HELB: variants seen among roughly 807,000 people sequenced by gnomAD.
The protein encoded by HELB is DNA helicase B, also known as DNA 5'-3' helicase B.
A neutral mutation model predicts 101.7 loss-of-function variants in HELB; 96 were observed. That is an observed-to-expected ratio of 0.94 (90% CI 0.80 to 1.12). The LOEUF (loss-of-function observed/expected upper bound fraction) is 1.12, where lower values mean the gene tolerates loss of function less well. Ranked by LOEUF, HELB falls within the 50% of genes most tolerant of loss-of-function variation. HELB has a pLI of 0.00. For synonymous variants in HELB, 437 were observed against 459.7 expected (o/e 0.95, Z 0.63); for missense variants, 1,210 against 1,291.9 (o/e 0.94, Z 0.97).
At position 66,309,964 on chromosome 12, in the gene HELB, T is replaced by C. The variant is rs148395216; in HGVS notation, c.1036T>C (p.Tyr346His). The C allele has an allele frequency of 1.1e-4, 171 of 1,614,230 alleles. No individual in the cohort carries two copies. The African/African-American group carries it at 2.1e-3, about 20-fold the overall frequency. Residue 346 changes from tyrosine to histidine, a missense_variant, in exon 4 of 13, where the codon TAT becomes CAT. Tyr to His is a moderately conservative substitution (Grantham distance 83). Transcript: ENST00000247815. Reference sequence around the variant, plus strand: ...TTTGAAGGATATTGGTGTGGTGACATATGAGAAGTCCTGTGTCTTCCCTTA... The same window carrying C: ...TTTGAAGGATATTGGTGTGGTGACACATGAGAAGTCCTGTGTCTTCCCTTA... ...KFLKDIGVVT[Y>H]EKSCVFPYDL...
chr12:66,321,994 A>T lies in HELB; in HGVS notation c.2202A>T (p.Gln734His). The T allele has an allele frequency of 8.5e-7, 1 of 1,181,770 alleles. No homozygotes were observed. The highest frequency in any genetic ancestry group is 1.2e-6 in the Non-Finnish European group (1 of 817,134). 73.2% of individuals were successfully genotyped at this position (1,181,770 alleles called of 1,614,324 possible). ...VKTLLQENNL[Q>H]NAKTSQFIAF... Reference sequence around the variant, plus strand: ...CTTTACTACAAGAAAATAACTTACAAAATGCAAAAACATCACAATTTATTG... The same window carrying T: ...CTTTACTACAAGAAAATAACTTACATAATGCAAAAACATCACAATTTATTG... The change falls in exon 8 of 13, where the codon CAA becomes CAT. Residue 734 changes from glutamine to histidine, a missense_variant. Physicochemically the swap from Gln to His is conservative, Grantham distance 24. Around this residue, in one of 2 missense-constraint regions of HELB, gnomAD observed 740 missense variants for 728.8 expected, o/e 1.02. Coordinates refer to ENST00000247815, the MANE Select transcript of HELB (RefSeq NM_001370285.1).
intron 11 of HELB, among the ~76,000 whole-genome samples, chr12:66,326,788 T>C (rs1283802231): frequency 1.3e-5 from 2 of 150,258 alleles, no homozygotes; most frequent in African/African-American, 4.9e-5. Flanking sequence ...TCCCAGCACT[T>C]TGGGAGGCCG....
chr12:66,331,332 T>C lies in HELB; in HGVS notation c.2849T>C (p.Phe950Ser). The C allele has an allele frequency of 6.2e-7, 1 of 1,614,214 alleles. No homozygotes were observed. Among genetic ancestry groups the C allele is most frequent in the South Asian group, 1.1e-5 (1 of 91,088 alleles). ...SFPRKTRLKH[F>S]LQSKLSSSGA... ...CCTAGAAAAACTCGTTTGAAACATT[T>C]CTTGCAAAGTAAGCTCTCCTCTAGC... The change falls in exon 12 of 13, where the codon TTC (phenylalanine) becomes TCC (serine). Residue 950 changes from phenylalanine (F) to serine (S), a missense_variant. Transcript: ENST00000247815.
chr12:66,325,625 G>A (rs746278183), intron 11 of HELB, among the ~76,000 whole-genome samples: 6 of 152,056 alleles, frequency 3.9e-5, no homozygotes, highest in East Asian at 1.9e-4. Flanking sequence ...CTTCTGCCCC[G>A]AATTTGGTAT....
At chr12:66,327,231 G>A (rs887443528) in intron 11 of HELB, among the ~76,000 whole-genome samples, 6 of 151,526 alleles carry the variant, frequency 4.0e-5, no homozygotes, top group Admixed American at 2.6e-4. Context: ...AAGTTCCCCA[G>A]GTAAAGTGAG....
chr12:66,306,889 A>T (rs1044402161), intron 3 of HELB, among the ~76,000 whole-genome samples: 1 of 152,228 alleles, frequency 6.6e-6, no homozygotes, highest in East Asian at 1.9e-4. Flanking sequence ...TGGCAAGTCC[A>T]TTCTGCTGTG....
chr12:66,341,500 G>C (rs1176873189), downstream of HELB: 1 of 152,124 alleles, frequency 6.6e-6, no homozygotes, highest in African/African-American at 2.4e-5. Flanking sequence ...TCTCAATCTA[G>C]TTGACACCTA....
chr12:66,307,613 C>T (rs1423355458), intron 3 of HELB, among the ~76,000 whole-genome samples: 1 of 152,192 alleles, frequency 6.6e-6, no homozygotes, highest in Non-Finnish European at 1.5e-5. Flanking sequence ...TTGCTAGGCT[C>T]ACCATCTTCC....
In HELB at chr12:66,325,093, A is replaced by G. The variant is rs1459475190; in HGVS notation, c.2637A>G (p.Lys879=). The change falls in exon 11 of 13, where the codon AAA becomes AAG. Residue 879 remains lysine (K), a synonymous_variant. Coordinates refer to ENST00000247815, the MANE Select transcript of HELB (RefSeq NM_001370285.1). ...FKKLMKYCRI[K]HAWARTIHTF... Reference sequence around the variant, plus strand: ...AACTAATGAAATATTGTCGCATAAAACATGCATGGGCAAGAACTATTCACA... The same window carrying G: ...AACTAATGAAATATTGTCGCATAAAGCATGCATGGGCAAGAACTATTCACA... 1.9e-6 allele frequency: 3 copies of G among 1,613,082 alleles called. No individual in the cohort carries two copies. Among genetic ancestry groups the G allele is most frequent in the Non-Finnish European group, 2.5e-6 (3 of 1,179,146 alleles).
chr12:66,324,418 C>CCTG, intron 10 of HELB: 1 of 453,332 alleles, frequency 2.2e-6, no homozygotes, highest in Non-Finnish European at 3.9e-6. Context: ...CAGGATAATA[C>CCTG]TGGCCTCAGA....
rs537514530 is a variant in HELB, at chr12:66,323,269, T to C, written c.2297+486T>C. Among the ~76,000 whole-genome samples the C allele has an allele frequency of 1.1e-4, 17 of 151,856 alleles. No homozygotes were observed. The South Asian group carries it at 1.5e-3, about 13-fold the overall frequency. ...GCACTAAGTATAGACATCCTAGATA[T>C]GTATAAGGTATAGGTGGAGTGCCTG... On this transcript the variant is annotated intron_variant, in intron 9 of 12. Transcript: ENST00000247815.
At chr12:66,343,048 TA>T (rs2053929439), downstream of HELB, 1 of 152,194 alleles carries the variant, frequency 6.6e-6, no homozygotes, top group Non-Finnish European at 1.5e-5. Context: ...TGTAGCTTTG[TA>T]GAAAGTTTTG....
chr12:66,333,529 A>G (rs1189835645), intron 12 of HELB, among the ~76,000 whole-genome samples: 1 of 152,004 alleles, frequency 6.6e-6, no homozygotes, highest in South Asian at 2.1e-4. Flanking sequence ...TACTAAAAAT[A>G]CAAAAAATTA....
rs2053805161 is a variant in HELB, at chr12:66,331,388, CG to C, written c.2907del (p.Lys970ArgfsTer19). 2 of 1,614,082 alleles carry C rather than the reference CG, an allele frequency of 1.2e-6. No individual in the cohort carries two copies. The highest frequency in any genetic ancestry group is 2.7e-5 in the African/African-American group (2 of 74,924). ...GAPPADFPSPRKSSGDSGGPS... is the reference protein window; with the variant it reads ...GAPPADFPSPXKSSGDSGGPS... ...ACCTCCAGCAGATTTTCCGTCCCCA[CG>C]GAAGAGCTCTGGAGACAGTGGAGGA... On this transcript the variant is annotated frameshift_variant, in exon 12 of 13. Coordinates refer to ENST00000247815, the MANE Select transcript of HELB (RefSeq NM_001370285.1). LOFTEE classifies it high-confidence loss of function.
chr12:66,339,401 A>C (rs1405256141), downstream of HELB: 2 of 151,828 alleles, frequency 1.3e-5, no homozygotes, highest in Non-Finnish European at 2.9e-5. Context: ...TTGGCCTCCC[A>C]AAGTGTTAGG....
intron 9 of HELB, 33 bp downstream of exon 9, chr12:66,322,816 A>G (rs752288792): frequency 1.2e-5 from 18 of 1,454,798 alleles, no homozygotes; most frequent in African/African-American, 2.9e-5. Flanking sequence ...ACTTTTAAGG[A>G]CAGTCCTTCT....
chr12:66,323,040 G>C (rs1349292286), intron 9 of HELB, among the ~76,000 whole-genome samples: 5 of 151,998 alleles, frequency 3.3e-5, no homozygotes, highest in Admixed American at 3.3e-4. Context: ...GCAGCCTTCA[G>C]CTTCTCCAAG....
In HELB at chr12:66,302,613, T is replaced by C. The variant is rs1386612737; in HGVS notation, c.10T>C (p.Ser4Pro). Residue 4 changes from serine to proline, a missense_variant, in exon 1 of 13, where the codon TCG becomes CCG. Around this residue, in one of 2 missense-constraint regions of HELB, gnomAD observed 470 missense variants for 563.1 expected, o/e 0.83. Transcript: ENST00000247815. ...TGAGTTCAGGAGAAGCATGGCCAGG[T>C]CGAGTCCGTACCTGCGCCAACTTCA... is the stretch of plus-strand genomic sequence containing the variant. MAR[S>P]SPYLRQLQGP... is the part of the protein sequence containing the mutation. 2 of 1,613,652 alleles carry C rather than the reference T, an allele frequency of 1.2e-6. No homozygotes were observed. The highest frequency in any genetic ancestry group is 1.7e-6 in the Non-Finnish European group (2 of 1,179,624).
intron 2 of HELB, 122 bp from the exon 3 acceptor site, chr12:66,306,223 T>G: frequency 1.7e-6 from 1 of 591,036 alleles, no homozygotes; most frequent in Non-Finnish European, 2.7e-6. Context: ...TTAAAGCAAG[T>G]GTACTAATCT....
Sources: gnomAD v4.1 joint callset for allele counts (sites outside exome capture counted in the v4.1 genomes callset) on GRCh38, gnomAD v4.1.1 for gene constraint, gnomAD v4.1.1 regional missense constraint, MANE v1.5 for transcripts, NCBI Gene and HGNC (gene_info 2026-07-23, HGNC 2026-07-21) for gene names.